The following TENM3 variants were observed in gnomAD, a reference collection of about 807,000 sequenced individuals.
TENM3 encodes the protein teneurin transmembrane protein 3.
A neutral mutation model predicts 255.1 loss-of-function variants in TENM3; 63 were observed. The observed-to-expected ratio is 0.25, with a 90% CI of 0.20 to 0.30. The LOEUF (loss-of-function observed/expected upper bound fraction) is 0.30. Ranked by LOEUF, TENM3 falls within the 10% of genes least tolerant of loss-of-function variation. The pLI is 1.00. For missense variants in TENM3, 2,929 were observed against 3,461.1 expected, an observed-to-expected ratio of 0.85 and a Z score of 3.86; for synonymous variants, 1,306 against 1,322.3, an observed-to-expected ratio of 0.99 and a Z score of 0.27.
At chr4:182,701,192 A>T (rs1291654518) in intron 12 of TENM3, among the ~76,000 whole-genome samples, 1 of 137,822 alleles carries the variant, frequency 7.3e-6, no homozygotes, top group African/African-American at 2.8e-5. Context: ...TGCTTTTCAC[A>T]TACAGTCCAA....
At chr4:181,836,419 T>A in the TENM3 span, among the ~76,000 whole-genome samples, 39 of 152,354 alleles carry the variant, frequency 2.6e-4, no homozygotes, top group South Asian at 3.5e-3. Context: ...ATATATTTTT[T>A]AAATAATACA....
chr4:181,834,537 A>G, the TENM3 span, among the ~76,000 whole-genome samples: 1 of 152,212 alleles, frequency 6.6e-6, no homozygotes, highest in African/African-American at 2.4e-5. Flanking sequence ...TCCAGCTGGT[A>G]TGCACCTGCA....
At chr4:182,072,139 A>G in the TENM3 span, among the ~76,000 whole-genome samples, 1 of 152,186 alleles carries the variant, frequency 6.6e-6, no homozygotes, top group African/African-American at 2.4e-5. Context: ...TTGCATGATG[A>G]TAATCCTTAC....
At chr4:182,301,292 A>G (rs912648478) in intron 1 of TENM3, among the ~76,000 whole-genome samples, 16 of 152,314 alleles carry the variant, frequency 1.1e-4, no homozygotes, top group African/African-American at 3.8e-4. Context: ...TAAAAATGCA[A>G]CTAAACTTTA....
chr4:181,479,134 G>C, the TENM3 span, among the ~76,000 whole-genome samples: 1 of 152,152 alleles, frequency 6.6e-6, no homozygotes, highest in South Asian at 2.1e-4. Context: ...TTAAATGATT[G>C]AGGAAAATAT....
intron 1 of TENM3, among the ~76,000 whole-genome samples, chr4:182,271,391 T>TC (rs1462715798): frequency 1.3e-5 from 2 of 152,118 alleles, no homozygotes; most frequent in Admixed American, 1.3e-4. Context: ...AGCTCTTTTT[T>TC]CTCCCCCTTG....
At chr4:181,602,619 C>G in the TENM3 span, among the ~76,000 whole-genome samples, 3 of 152,132 alleles carry the variant, frequency 2.0e-5, no homozygotes, top group Non-Finnish European at 4.4e-5. Context: ...AACTATTTCA[C>G]TCAAAGTTAA....
At chr4:181,794,988 G>A in the TENM3 span, among the ~76,000 whole-genome samples, 1 of 152,084 alleles carries the variant, frequency 6.6e-6, no homozygotes, top group Non-Finnish European at 1.5e-5. Flanking sequence ...ATTCGGATTG[G>A]GAAACTGTTC....
At chr4:182,000,425 C>T in the TENM3 span, among the ~76,000 whole-genome samples, 1 of 151,964 alleles carries the variant, frequency 6.6e-6, no homozygotes, top group Non-Finnish European at 1.5e-5. Flanking sequence ...GAAAGGAAAC[C>T]ATTCTCAAGC....
upstream of TENM3, among the ~76,000 whole-genome samples, chr4:182,241,940 T>C (rs941423335): frequency 2.0e-5 from 3 of 151,808 alleles, no homozygotes; most frequent in African/African-American, 7.3e-5. Flanking sequence ...TGGACCCTTT[T>C]CAGTTTTGCT....
the TENM3 span, among the ~76,000 whole-genome samples, chr4:181,537,107 AACC>A: frequency 6.6e-6 from 1 of 152,128 alleles, no homozygotes; most frequent in African/African-American, 2.4e-5. Flanking sequence ...GTACTTTATA[AACC>A]TCACCCTCCT....
intron 1 of TENM3, among the ~76,000 whole-genome samples, chr4:182,204,749 T>G (rs1475053772): frequency 6.6e-6 from 1 of 152,186 alleles, no homozygotes; most frequent in Non-Finnish European, 1.5e-5. Flanking sequence ...AGCATTAAAT[T>G]CATTTTCATG....
intron 1 of TENM3, among the ~76,000 whole-genome samples, chr4:182,317,102 AG>A (rs769518206): frequency 2.0e-5 from 3 of 152,196 alleles, no homozygotes; most frequent in Non-Finnish European, 2.9e-5. Context: ...TGGAAGCAAA[AG>A]GTGGCTTCTT....
At chr4:182,146,033 T>C (rs889488296) in intron 1 of TENM3, among the ~76,000 whole-genome samples, 2 of 152,204 alleles carry the variant, frequency 1.3e-5, no homozygotes, top group Non-Finnish European at 2.9e-5. Context: ...CCTTAGTGAA[T>C]TTCTTTAAAA....
chr4:181,524,421 TG>T, the TENM3 span, among the ~76,000 whole-genome samples: 4 of 152,386 alleles, frequency 2.6e-5, no homozygotes, highest in East Asian at 7.7e-4. Flanking sequence ...TCCGTGTCTT[TG>T]GGATGCAGGC....
At chr4:181,692,005 C>T in the TENM3 span, among the ~76,000 whole-genome samples, 1 of 152,122 alleles carries the variant, frequency 6.6e-6, no homozygotes, top group African/African-American at 2.4e-5. Context: ...TGTTGACATT[C>T]CCTTGTTAAT....
the TENM3 span, among the ~76,000 whole-genome samples, chr4:181,755,002 G>C: frequency 8.5e-5 from 13 of 152,262 alleles, no homozygotes; most frequent in African/African-American, 3.1e-4. Flanking sequence ...AAACATGAGG[G>C]TTTGCTGGTT....
chr4:181,836,876 A>G, the TENM3 span, among the ~76,000 whole-genome samples: 1 of 152,162 alleles, frequency 6.6e-6, no homozygotes, highest in African/African-American at 2.4e-5. Flanking sequence ...CCTTTAAAAT[A>G]CTGAGTTTAC....
chr4:181,675,984 C>A, the TENM3 span, among the ~76,000 whole-genome samples: 1 of 152,028 alleles, frequency 6.6e-6, no homozygotes, highest in African/African-American at 2.4e-5. Flanking sequence ...CCTCATAAAT[C>A]AAGTTTCTTC....
Sources: allele counts gnomAD v4.1 joint callset (sites outside exome capture counted in the v4.1 genomes callset), GRCh38; gene constraint gnomAD v4.1.1; transcripts MANE v1.5; gene names NCBI Gene and HGNC (gene_info 2026-07-23, HGNC 2026-07-21).